Variants in SPECC1 observed in about 807,000 individuals in gnomAD.
SPECC1 encodes the protein cytospin-B.
A neutral mutation model predicts 104.1 loss-of-function variants in SPECC1; 62 were observed. The observed-to-expected ratio is 0.60, with a 90% confidence interval of 0.49 to 0.74. The LOEUF is 0.74. Ranked by LOEUF, SPECC1 falls within the 30% of genes least tolerant of loss-of-function variation. The pLI is 0.00. For missense variants in SPECC1, 1,306 were observed against 1,310.5 expected, an observed-to-expected ratio of 1.00 and a Z score of 0.05; for synonymous variants, 513 against 501.6, an observed-to-expected ratio of 1.02 and a Z score of -0.30.
intron 1 of SPECC1, among the ~76,000 whole-genome samples, chr17:20,022,120 T>C (rs1017977221): frequency 6.6e-6 from 1 of 150,934 alleles, no homozygotes; most frequent in Non-Finnish European, 1.5e-5. Context: ...TTTTTGTGTT[T>C]TCAGTAGAGA....
chr17:20,188,652 A>G (rs182546296), intron 3 of SPECC1, among the ~76,000 whole-genome samples: 89 of 152,300 alleles, frequency 5.8e-4, no homozygotes, highest in Admixed American at 9.8e-4. Flanking sequence ...CTTTATCTGT[A>G]AAATAACAAT....
At chr17:20,099,542 A>G (rs2047824651) in intron 2 of SPECC1, among the ~76,000 whole-genome samples, 1 of 142,608 alleles carries the variant, frequency 7.0e-6, no homozygotes, top group Admixed American at 7.1e-5. Flanking sequence ...AAAAAAAATT[A>G]GCCTTAGCCG....
At chr17:20,022,160 C>G (rs1422165251) in intron 1 of SPECC1, among the ~76,000 whole-genome samples, 2 of 151,720 alleles carry the variant, frequency 1.3e-5, no homozygotes, top group Non-Finnish European at 2.9e-5. Flanking sequence ...CCAGGATGGT[C>G]TCGATCTCCT....
At chr17:20,106,403 C>G (rs2048199245) in intron 2 of SPECC1, among the ~76,000 whole-genome samples, 1 of 152,108 alleles carries the variant, frequency 6.6e-6, no homozygotes, top group African/African-American at 2.4e-5. Context: ...GTGGAAAGAC[C>G]ATTACAGAGT....
At chr17:20,105,641 C>A (rs1330898927) in intron 2 of SPECC1, among the ~76,000 whole-genome samples, 1 of 152,042 alleles carries the variant, frequency 6.6e-6, no homozygotes, top group Non-Finnish European at 1.5e-5. Flanking sequence ...CCTGTGCTTT[C>A]CCCCCGGTCA....
intron 3 of SPECC1, among the ~76,000 whole-genome samples, chr17:20,136,834 T>C (rs1474182087): frequency 6.6e-6 from 1 of 152,244 alleles, no homozygotes; most frequent in Non-Finnish European, 1.5e-5. Flanking sequence ...CAGTGGTTAC[T>C]GATAGCAGTT....
intron 1 of SPECC1, among the ~76,000 whole-genome samples, chr17:20,026,280 G>A (rs1419658785): frequency 6.6e-6 from 1 of 151,900 alleles, no homozygotes; most frequent in Non-Finnish European, 1.5e-5. Context: ...ATTGAATCAG[G>A]GTAATTAGGA....
Position 20,232,479 on chromosome 17 carries a change from C to G in SPECC1, c.2351+74C>G, listed in dbSNP as rs912353979. 12 of 1,464,420 alleles carry G rather than the reference C, an allele frequency of 8.2e-6. No individual in the cohort carries two copies. In the African/African-American group the frequency reaches 1.7e-4, roughly 21 times the overall value. 90.7% of individuals were successfully genotyped at this position (1,464,420 alleles called of 1,614,324 possible). A position where few individuals can be genotyped will look rare whatever the true frequency, so the allele number is the denominator to read the frequency against. ...ATGGGGCTCCCTGGTGGGGATGGGA[C>G]TCTTCATGTCTGTGCCAGGTTCTGC... On this transcript the variant is annotated intron_variant, in intron 7 of 14. Coordinates refer to ENST00000395527, the MANE Select transcript of SPECC1 (RefSeq NM_001243439.2).
chr17:20,117,449 T>C (rs566892855), intron 3 of SPECC1, among the ~76,000 whole-genome samples: 36 of 152,050 alleles, frequency 2.4e-4, no homozygotes, highest in African/African-American at 8.4e-4. Flanking sequence ...GCAATACATG[T>C]AACAAAATGC....
intron 14 of SPECC1, among the ~76,000 whole-genome samples, chr17:20,306,997 C>A (rs554718623): frequency 6.6e-6 from 1 of 152,034 alleles, no homozygotes. Flanking sequence ...AAGAATGATT[C>A]TATTTAAAAA....
intron 1 of SPECC1, among the ~76,000 whole-genome samples, chr17:20,015,431 C>T (rs560091045): frequency 5.5e-4 from 83 of 151,632 alleles, no homozygotes; most frequent in Non-Finnish European, 9.4e-4. Flanking sequence ...CGGAAATGCT[C>T]TCTTTATCTT....
At chr17:20,045,988 A>C (rs1409444992) in intron 1 of SPECC1, among the ~76,000 whole-genome samples, 10 of 150,762 alleles carry the variant, frequency 6.6e-5, no homozygotes, top group Non-Finnish European at 8.9e-5. Flanking sequence ...GACTTGAGAA[A>C]GAAATCTTTT....
At chr17:20,299,246 G>A (rs2041479315) in intron 13 of SPECC1, among the ~76,000 whole-genome samples, 1 of 151,886 alleles carries the variant, frequency 6.6e-6, no homozygotes, top group Non-Finnish European at 1.5e-5. Context: ...TTTGCCGAAA[G>A]TCTCCTGCTT....
chr17:20,280,205 A>G (rs971827945), intron 12 of SPECC1, among the ~76,000 whole-genome samples: 1 of 152,224 alleles, frequency 6.6e-6, no homozygotes, highest in Non-Finnish European at 1.5e-5. Flanking sequence ...GTCAGAGAAC[A>G]AAGTAGCGAA....
chr17:20,173,082 T>C (rs1479661385), intron 3 of SPECC1, among the ~76,000 whole-genome samples: 1 of 152,226 alleles, frequency 6.6e-6, no homozygotes. Flanking sequence ...GAGTCCAGAC[T>C]ATAAAGCATT....
At chr17:20,285,972 C>A (rs1221180198) in intron 12 of SPECC1, among the ~76,000 whole-genome samples, 13 of 152,150 alleles carry the variant, frequency 8.5e-5, no homozygotes. Flanking sequence ...CACTATCATG[C>A]CTGGCTAATT....
intron 13 of SPECC1, among the ~76,000 whole-genome samples, chr17:20,299,382 C>G (rs1567617710): frequency 7.4e-6 from 1 of 135,350 alleles, no homozygotes; most frequent in African/African-American, 3.3e-5. Context: ...AGGCAGACCT[C>G]CATTTCTACA....
chr17:20,298,712 A>T (rs551490461), intron 13 of SPECC1, among the ~76,000 whole-genome samples: 93 of 152,146 alleles, frequency 6.1e-4, no homozygotes, highest in South Asian at 1.5e-3. Context: ...GGAGGAGGAG[A>T]GGAAGGAGTC....
rs115227695 is a variant in SPECC1, at chr17:20,198,983, A to G, written c.284-5350A>G. Among the ~76,000 whole-genome samples, 1,182 of 151,270 alleles carry G rather than the reference A, an allele frequency of 7.8e-3. 17 individuals are homozygous for G. The highest frequency in any genetic ancestry group is 0.027 in the African/African-American group (1,125 of 41,218). ...ATAGTTCATCTGGGTAGAGAAATCT[A>G]GGTTGAAAGTCATTTTCCCTCCGAA... is the stretch of plus-strand genomic sequence containing the variant. On this transcript the variant is annotated intron_variant, in intron 3 of 14. Coordinates refer to ENST00000395527, the MANE Select transcript of SPECC1 (RefSeq NM_001243439.2).
Sources: gnomAD v4.1 joint callset for allele counts (sites outside exome capture counted in the v4.1 genomes callset) on GRCh38, gnomAD v4.1.1 for gene constraint, MANE v1.5 for transcripts, NCBI Gene and HGNC (gene_info 2026-07-23, HGNC 2026-07-21) for gene names.